PRELID2: variants seen among roughly 807,000 people sequenced by gnomAD.
PRELID2 encodes the protein PRELI domain-containing protein 2.
Under a neutral mutation model 28.4 loss-of-function variants are expected in PRELID2, and 25 were observed. That is an observed-to-expected ratio of 0.88 (90% CI 0.64 to 1.23). The LOEUF (loss-of-function observed/expected upper bound fraction) is 1.23, where lower values mean the gene tolerates loss of function less well. Ranked by LOEUF, PRELID2 falls within the 50% of genes most tolerant of loss-of-function variation. The pLI is 0.00. For missense variants in PRELID2, 201 were observed against 214.4 expected (o/e 0.94, Z 0.39); for synonymous variants, 76 against 71.6 (o/e 1.06, Z -0.31).
the PRELID2 span, among the ~76,000 whole-genome samples, chr5:145,308,665 T>C: frequency 3.9e-3 from 598 of 152,210 alleles, 1 homozygote; most frequent in African/African-American, 0.014. Context: ...TTTCAGTAAA[T>C]ATTTATTAAG....
At chr5:145,800,853 T>G (rs1258737330) in intron 4 of PRELID2, among the ~76,000 whole-genome samples, 1 of 152,142 alleles carries the variant, frequency 6.6e-6, no homozygotes, top group African/African-American at 2.4e-5. Context: ...TTACTACAAA[T>G]AGCTAACCTA....
chr5:145,521,761 C>T (rs573897870), intron 1 of PRELID2, among the ~76,000 whole-genome samples: 6 of 152,188 alleles, frequency 3.9e-5, no homozygotes, highest in African/African-American at 1.4e-4. Context: ...ATCCTCTTGG[C>T]TCAAAGTTCA....
At chr5:145,415,903 TA>T in the PRELID2 span, among the ~76,000 whole-genome samples, 1 of 152,074 alleles carries the variant, frequency 6.6e-6, no homozygotes, top group African/African-American at 2.4e-5. Context: ...ACCAACAGTG[TA>T]AAAGTGTTCC....
chr5:145,318,204 T>C, the PRELID2 span, among the ~76,000 whole-genome samples: 3 of 152,164 alleles, frequency 2.0e-5, no homozygotes, highest in Non-Finnish European at 2.9e-5. Context: ...AATATCTATG[T>C]TCTCAAAAGG....
rs35401852 is a variant in PRELID2 at position 145,604,882 on chromosome 5, C to CATATATATATATATATATATATATATAT, written n.71-131568_71-131567insATATATATATATATATATATATATATAT. Among the ~76,000 whole-genome samples, 414 of 115,802 alleles carry CATATATATATATATATATATATATATAT rather than the reference C, an allele frequency of 3.6e-3. 4 individuals are homozygous for CATATATATATATATATATATATATATAT. The highest frequency in any genetic ancestry group is 7.5e-3 in the African/African-American group (196 of 26,152). 76.0% of individuals were successfully genotyped at this position (115,802 alleles called of 152,430 possible). On this transcript the variant is annotated intron_variant and non_coding_transcript_variant, in intron 1 of 2. Transcript: ENST00000510259. ...ACCATATTTTAATATGCTTGTTGGC[C>CATATATATATATATATATATATATATAT]ATATATATATATATATATATATTCT...
intron 1 of PRELID2, among the ~76,000 whole-genome samples, chr5:145,692,811 A>G (rs929475305): frequency 1.3e-5 from 2 of 152,210 alleles, no homozygotes; most frequent in Admixed American, 6.5e-5. Flanking sequence ...TTAAGTATAC[A>G]GATTTGCTTT....
chr5:145,713,958 G>C (rs958984806), intron 1 of PRELID2, among the ~76,000 whole-genome samples: 2 of 151,300 alleles, frequency 1.3e-5, no homozygotes, highest in African/African-American at 4.9e-5. Flanking sequence ...AATATGCATG[G>C]GGAATAAGCA....
At chr5:145,481,625 A>G in intron 1 of PRELID2, among the ~76,000 whole-genome samples, 2 of 20,452 alleles carry the variant, frequency 9.8e-5, no homozygotes, top group Non-Finnish European at 2.5e-4. Flanking sequence ...AAGGAAATCA[A>G]AAAAAAAAAA....
chr5:145,440,485 A>G, the PRELID2 span, among the ~76,000 whole-genome samples: 1 of 152,092 alleles, frequency 6.6e-6, no homozygotes, highest in African/African-American at 2.4e-5. Flanking sequence ...ATCTTGATTT[A>G]TATGTGTTTT....
intron 1 of PRELID2, among the ~76,000 whole-genome samples, chr5:145,658,882 GT>G (rs1456009230): frequency 6.6e-6 from 1 of 152,192 alleles, no homozygotes; most frequent in Non-Finnish European, 1.5e-5. Context: ...AAACAGAGTA[GT>G]GGGACACAGA....
chr5:145,551,161 G>A (rs538648681), intron 1 of PRELID2, among the ~76,000 whole-genome samples: 2 of 152,196 alleles, frequency 1.3e-5, no homozygotes, highest in African/African-American at 4.8e-5. Flanking sequence ...CCTGCTTATT[G>A]GGAGGCCGAG....
At chr5:145,323,545 T>G in the PRELID2 span, among the ~76,000 whole-genome samples, 3 of 152,176 alleles carry the variant, frequency 2.0e-5, no homozygotes, top group African/African-American at 7.2e-5. Context: ...GGGGGTTTGG[T>G]GTACAGGTTG....
At chr5:145,625,067 G>A (rs76819451) in intron 1 of PRELID2, among the ~76,000 whole-genome samples, 1 of 152,094 alleles carries the variant, frequency 6.6e-6, no homozygotes, top group African/African-American at 2.4e-5. Context: ...ATATGATATT[G>A]ATGATACCAA....
chr5:145,285,185 G>T, the PRELID2 span, among the ~76,000 whole-genome samples: 2 of 152,118 alleles, frequency 1.3e-5, no homozygotes, highest in Non-Finnish European at 2.9e-5. Context: ...GGGATCACAG[G>T]ACTGTTATTC....
In PRELID2 at chr5:145,758,316, C is replaced by G. The variant is rs1343715430; in HGVS notation, c.*2220G>C. On this transcript the variant is annotated 3_prime_UTR_variant, in exon 7 of 7. Coordinates refer to ENST00000683046, the MANE Select transcript of PRELID2 (RefSeq NM_205846.3). ...TGGTCTATTTCTAATAAAAAAATTCCTGCTACAAAGATCCTTTCCAACCAC... is the reference window on the plus strand; with the variant it reads ...TGGTCTATTTCTAATAAAAAAATTCGTGCTACAAAGATCCTTTCCAACCAC... Among the ~76,000 whole-genome samples, 1 of 151,970 alleles carries G rather than the reference C, an allele frequency of 6.6e-6. No homozygotes were observed.
chr5:145,689,537 A>T (rs940175813), intron 1 of PRELID2, among the ~76,000 whole-genome samples: 1 of 152,190 alleles, frequency 6.6e-6, no homozygotes, highest in Admixed American at 6.5e-5. Flanking sequence ...AAGCCAAGTA[A>T]CAAAGATGAC....
chr5:145,612,887 T>C (rs1389078962), intron 1 of PRELID2, among the ~76,000 whole-genome samples: 1 of 152,194 alleles, frequency 6.6e-6, no homozygotes, highest in Admixed American at 6.5e-5. Context: ...GGTTCCATGA[T>C]TTTACAATTG....
chr5:145,352,306 A>C, the PRELID2 span, among the ~76,000 whole-genome samples: 1 of 152,194 alleles, frequency 6.6e-6, no homozygotes, highest in Non-Finnish European at 1.5e-5. Context: ...GGCAGATGTT[A>C]CCAAACCTCA....
At chr5:145,677,284 C>T (rs915279872) in intron 1 of PRELID2, among the ~76,000 whole-genome samples, 9 of 149,952 alleles carry the variant, frequency 6.0e-5, no homozygotes, top group East Asian at 2.0e-4. Context: ...CCTCCTGAGT[C>T]GCTGGGACTA....
Sources: gnomAD v4.1 joint callset for allele counts (sites outside exome capture counted in the v4.1 genomes callset) on GRCh38, gnomAD v4.1.1 for gene constraint, MANE v1.5 for transcripts, NCBI Gene and HGNC (gene_info 2026-07-23, HGNC 2026-07-21) for gene names.